Variants in PCBP3 observed in about 807,000 individuals in gnomAD.
The protein encoded by PCBP3 is poly(rC)-binding protein 3.
PCBP3 carries 25 observed loss-of-function variants against 52.7 expected under a neutral mutation model. The observed-to-expected ratio is 0.47, with a 90% CI of 0.35 to 0.66. The LOEUF (loss-of-function observed/expected upper bound fraction) is 0.66. Among genes scored for constraint, PCBP3 ranks in the 30% least tolerant of loss-of-function variants. The probability of loss-of-function intolerance (pLI) is 0.01; values close to 1 mark genes in which losing one functional copy is unlikely to be tolerated. For synonymous variants in PCBP3, 162 were observed against 183.0 expected, an observed-to-expected ratio of 0.89 and a Z score of 0.93; for missense variants, 391 against 490.3, an observed-to-expected ratio of 0.80 and a Z score of 1.91.
At chr21:45,695,781 A>C (rs2082729986) in intron 2 of PCBP3, among the ~76,000 whole-genome samples, 2 of 152,138 alleles carry the variant, frequency 1.3e-5, no homozygotes, top group South Asian at 4.1e-4. Context: ...ATTAAGCACG[A>C]AAAGAATGGT....
chr21:45,834,917 G>A (rs766695499), intron 4 of PCBP3, among the ~76,000 whole-genome samples: 7 of 152,230 alleles, frequency 4.6e-5, no homozygotes, highest in Non-Finnish European at 8.8e-5. Flanking sequence ...GGAATGGGGA[G>A]GCACCGTGAG....
rs192167267 is a variant in PCBP3 at position 45,813,085 on chromosome 21, G to T, written c.-125-36876G>T. 2.4e-3 allele frequency among the ~76,000 whole-genome samples: 334 copies of T among 139,426 alleles called. 2 individuals carry two copies. Among genetic ancestry groups the T allele is most frequent in the African/African-American group, 9.6e-3 (312 of 32,636 alleles). 91.5% of individuals were successfully genotyped at this position (139,426 alleles called of 152,430 possible). A position where few individuals can be genotyped will look rare whatever the true frequency, so the allele number is the denominator to read the frequency against. On this transcript the variant is annotated intron_variant, in intron 4 of 17. Coordinates refer to ENST00000681687, the MANE Select transcript of PCBP3 (RefSeq NM_001384156.1). ...CACTAGCCATCAAATTTAGAAAATGGTTAGCCATCATATTTAACTTTTTCC... is the reference window on the plus strand; with the variant it reads ...CACTAGCCATCAAATTTAGAAAATGTTTAGCCATCATATTTAACTTTTTCC...
At chr21:45,847,756 C>G (rs541273943) in intron 4 of PCBP3, among the ~76,000 whole-genome samples, 1 of 152,324 alleles carries the variant, frequency 6.6e-6, no homozygotes, top group South Asian at 2.1e-4. Context: ...AAAGAATTTT[C>G]TCTCAGTTGT....
chr21:45,875,815 G>A (rs2095240357), intron 5 of PCBP3, among the ~76,000 whole-genome samples: 1 of 152,200 alleles, frequency 6.6e-6, no homozygotes, highest in Non-Finnish European at 1.5e-5. Flanking sequence ...GTTCACTTCT[G>A]GATCTTTCAC....
In PCBP3 at chr21:45,724,546, G is replaced by A. The variant is rs1035065468; in HGVS notation, c.-199-10846G>A. ...CTGGGAATCTCGCTGCCTTCATGGT[G>A]GCGGGCCAGGCTGCTCTGTAACACG... On this transcript the variant is annotated intron_variant, in intron 2 of 17. Coordinates refer to ENST00000681687, the MANE Select transcript of PCBP3 (RefSeq NM_001384156.1). The surrounding 1 kb of genome is among the most constrained non-coding windows in gnomAD (Gnocchi z 5.3). Among the ~76,000 whole-genome samples the A allele has an allele frequency of 1.2e-4, 19 of 152,188 alleles. No homozygotes were observed. The highest frequency in any genetic ancestry group is 4.6e-4 in the African/African-American group (19 of 41,438).
intron 2 of PCBP3, among the ~76,000 whole-genome samples, chr21:45,685,050 T>C (rs1037438801): frequency 3.9e-5 from 6 of 152,204 alleles, no homozygotes; most frequent in Admixed American, 2.0e-4. Context: ...CTTGAACATT[T>C]TGAGTATTAC....
intron 7 of PCBP3, among the ~76,000 whole-genome samples, chr21:45,899,924 G>C (rs768978102): frequency 6.6e-6 from 1 of 152,186 alleles, no homozygotes; most frequent in Non-Finnish European, 1.5e-5. Flanking sequence ...CACGAAGAAT[G>C]ATTTCTCACG....
rs1464047537 is a variant in PCBP3 at position 45,707,769 on chromosome 21, C to T, written c.-199-27623C>T. ...GATAGTCCTGCTTCTCTGTGTGCTG[C>T]CTGCCTGAACTTGGACTCCTGGGAG... is the stretch of plus-strand genomic sequence containing the variant. On this transcript the variant is annotated intron_variant, in intron 2 of 17. Transcript: ENST00000681687. Among the ~76,000 whole-genome samples, 4 of 152,182 alleles carry T rather than the reference C, an allele frequency of 2.6e-5. No homozygotes were observed. In the South Asian group the frequency reaches 8.3e-4, roughly 32 times the overall value.
chr21:45,867,512 G>T (rs796196383), intron 5 of PCBP3, among the ~76,000 whole-genome samples: 1 of 152,236 alleles, frequency 6.6e-6, no homozygotes, highest in Non-Finnish European at 1.5e-5. Context: ...GGTGCGGGCC[G>T]TGAAGGTTAT....
At chr21:45,663,987 A>G (rs1216742780) in intron 1 of PCBP3, among the ~76,000 whole-genome samples, 2 of 148,098 alleles carry the variant, frequency 1.4e-5, no homozygotes, top group East Asian at 4.0e-4. Context: ...GATTTTTCCA[A>G]TTCATGAGCA....
rs538309236 is a variant in PCBP3, at chr21:45,860,904, AATGACTGTGTTCGGCCTCC to A, written c.10+10811_10+10829del. Among the ~76,000 whole-genome samples the A allele has an allele frequency of 7.9e-5, 12 of 152,196 alleles. No individual in the cohort carries two copies. The East Asian group carries it at 2.3e-3, about 29-fold the overall frequency. ...AGGTGCAGTGCTCGCCTTGGGTGCA[AATGACTGTGTTCGGCCTCC>A]ACTCCGAGGCTGCTGGCAGTGACCC... On this transcript the variant is annotated intron_variant, in intron 5 of 17. Coordinates refer to ENST00000681687, the MANE Select transcript of PCBP3 (RefSeq NM_001384156.1).
chr21:45,814,903 G>A (rs1322087148), intron 4 of PCBP3, among the ~76,000 whole-genome samples: 1 of 135,516 alleles, frequency 7.4e-6, no homozygotes, highest in Admixed American at 7.1e-5. Flanking sequence ...TGAGTGGTGA[G>A]TGAGTGGTGA....
chr21:45,815,709 A>G (rs1391882675), intron 4 of PCBP3, among the ~76,000 whole-genome samples: 13 of 47,800 alleles, frequency 2.7e-4, no homozygotes, highest in East Asian at 2.4e-3. Context: ...AGTGGTGAGT[A>G]GTGAGTGATG....
chr21:45,790,574 G>A (rs901455207), intron 4 of PCBP3, among the ~76,000 whole-genome samples: 3 of 152,170 alleles, frequency 2.0e-5, no homozygotes, highest in African/African-American at 7.2e-5. Flanking sequence ...GAGGAGCAAG[G>A]ACCCAGGCCT....
chr21:45,691,476 G>GTA (rs570406285), intron 2 of PCBP3, among the ~76,000 whole-genome samples: 16 of 129,196 alleles, frequency 1.2e-4, no homozygotes, highest in Middle Eastern at 4.3e-3. Flanking sequence ...GTGTGTGTGT[G>GTA]TATATACATC....
rs559350779 is a variant in PCBP3 at position 45,785,275 on chromosome 21, G to A, written c.-126+29823G>A. 3.2e-4 allele frequency among the ~76,000 whole-genome samples: 48 copies of A among 151,040 alleles called. No individual in the cohort carries two copies. In the East Asian group the frequency reaches 6.6e-3, roughly 21 times the overall value. ...AGCATCTCCGCCCGGCAGCCACCCCGTCCAGGAGGGAGATGTGGGGGTCAG... is the reference window on the plus strand; with the variant it reads ...AGCATCTCCGCCCGGCAGCCACCCCATCCAGGAGGGAGATGTGGGGGTCAG... On this transcript the variant is annotated intron_variant, in intron 4 of 17. Coordinates refer to ENST00000681687, the MANE Select transcript of PCBP3 (RefSeq NM_001384156.1).
In PCBP3 at chr21:45,737,182, G is replaced by A. The variant is rs1174814801; in HGVS notation, c.-162+1753G>A. Among the ~76,000 whole-genome samples the A allele has an allele frequency of 6.6e-6, 1 of 152,020 alleles. No homozygotes were observed. Among genetic ancestry groups the A allele is most frequent in the African/African-American group, 2.4e-5 (1 of 41,380 alleles). On this transcript the variant is annotated intron_variant, in intron 3 of 17. Transcript: ENST00000681687. This position sits in a 1 kb window ranked among gnomAD's most constrained non-coding sequence, Gnocchi z 4.9. ...CAGGGGTCTCACAGGTCATCCCGAG[G>A]CTGCTCTCAGTCCACGTGGCGTCGG... is the stretch of plus-strand genomic sequence containing the variant.
At chr21:45,836,393 C>G (rs1265411130) in intron 4 of PCBP3, 2 of 152,220 alleles carry the variant, frequency 1.3e-5, no homozygotes, top group Non-Finnish European at 2.9e-5. Flanking sequence ...TTGGTGCTTG[C>G]TGCCTGTAGC....
At chr21:45,739,526 C>G in intron 3 of PCBP3, among the ~76,000 whole-genome samples, 1 of 143,928 alleles carries the variant, frequency 6.9e-6, no homozygotes, top group Admixed American at 7.0e-5. Context: ...CGTCCATGGT[C>G]TTCTGGGTGG....
Sources: gnomAD v4.1 joint callset for allele counts (sites outside exome capture counted in the v4.1 genomes callset) on GRCh38, gnomAD v4.1.1 for gene constraint, Gnocchi (gnomAD v3.1) non-coding constraint, MANE v1.5 for transcripts, NCBI Gene and HGNC (gene_info 2026-07-23, HGNC 2026-07-21) for gene names.